Variants in UFC1 observed in about 807,000 individuals in gnomAD.
UFC1 encodes the protein ubiquitin-fold modifier conjugating enzyme 1.
In UFC1, 22 loss-of-function variants were observed where a neutral mutation model predicts 28.0. The observed-to-expected ratio is 0.78, with a 90% CI of 0.56 to 1.12. The LOEUF (loss-of-function observed/expected upper bound fraction) is 1.12, where lower values mean the gene tolerates loss of function less well. Ranked by LOEUF, UFC1 falls within the 50% of genes most tolerant of loss-of-function variation. The pLI, the probability that UFC1 is intolerant of heterozygous loss-of-function variation, is 0.00. For missense variants in UFC1, 189 were observed against 207.8 expected, an observed-to-expected ratio of 0.91 and a Z score of 0.56; for synonymous variants, 61 against 74.5, an observed-to-expected ratio of 0.82 and a Z score of 0.93.
intron 4 of UFC1, 37 bp from the exon 5 acceptor site, chr1:161,158,084 T>C (rs753553178): frequency 6.3e-7 from 1 of 1,577,484 alleles, no homozygotes; most frequent in Non-Finnish European, 8.7e-7. Context: ...TATGGTAAAC[T>C]TTGCATGTCA....
chr1:161,156,677 A>G (rs1212483491), intron 1 of UFC1, among the ~76,000 whole-genome samples: 1 of 151,888 alleles, frequency 6.6e-6, no homozygotes, highest in Non-Finnish European at 1.5e-5. Context: ...CCCCGTCTCT[A>G]CTAAAAATAC....
chr1:161,157,765 C>A, intron 4 of UFC1, 72 bp downstream of exon 4: 1 of 1,300,520 alleles, frequency 7.7e-7, no homozygotes, highest in Non-Finnish European at 1.1e-6. Context: ...GGAGGGAGAG[C>A]ATCAGGAAGA....
In UFC1 at chr1:161,157,705, T is replaced by C. The variant is rs1473689249; in HGVS notation, c.332+12T>C. On this transcript the variant is annotated intron_variant, in intron 4 of 5. Transcript: ENST00000368003. Reference sequence around the variant, plus strand: ...GCAAAGATGTACAGGTAGGACTGAATAGGAGATGGCAAAGAGTCAAAGAAA... The same window carrying C: ...GCAAAGATGTACAGGTAGGACTGAACAGGAGATGGCAAAGAGTCAAAGAAA... 27 of 1,611,784 alleles carry C rather than the reference T, an allele frequency of 1.7e-5. No homozygotes were observed. In the Admixed American group the frequency reaches 4.0e-4, roughly 24 times the overall value.
In UFC1 at chr1:161,154,008, A is replaced by G. The variant is rs1657431311; in HGVS notation, c.11A>G (p.Glu4Gly). 1.2e-6 allele frequency: 2 copies of G among 1,614,110 alleles called. No homozygotes were observed. The highest frequency in any genetic ancestry group is 1.3e-5 in the African/African-American group (1 of 75,032). MAD[E>G]ATRRVVSEIP... is the part of the protein sequence containing the mutation. ...GCGCCCTGGTCCAAGATGGCGGATG[A>G]AGCCACGCGACGTGTTGTGTCTGAG... The change falls in exon 1 of 6, where the codon GAA (glutamate) becomes GGA (glycine). Residue 4 changes from glutamate (E) to glycine (G), a missense_variant. Physicochemically the swap from Glu to Gly is moderately conservative, Grantham distance 98. Coordinates refer to ENST00000368003, the MANE Select transcript of UFC1 (RefSeq NM_016406.4).
chr1:161,154,195 G>T, intron 1 of UFC1, 75 bp downstream of exon 1: 2 of 1,573,024 alleles, frequency 1.3e-6, no homozygotes, highest in South Asian at 1.1e-5. Context: ...AATAGGCTCC[G>T]TGTGGAAGCC....
intron 4 of UFC1, 198 bp from the exon 5 acceptor site, chr1:161,157,923 G>A: frequency 4.8e-6 from 3 of 628,802 alleles, no homozygotes; most frequent in Non-Finnish European, 8.3e-6. Context: ...AAAAAAGGAA[G>A]AACTTTGGAG....
chr1:161,157,059 A>G lies in UFC1; in HGVS notation c.191+42A>G, dbSNP rs1294292480. 4 of 1,598,122 alleles carry G rather than the reference A, an allele frequency of 2.5e-6. 1 individual carries two copies. The South Asian group carries it at 3.3e-5, about 13-fold the overall frequency. ...GGGAGGTGTGGGGTGGGAGTCTTAT[A>G]TGAGTTAGGCAATTTGGTATCCTAG... On this transcript the variant is annotated intron_variant, in intron 2 of 5. Coordinates refer to ENST00000368003, the MANE Select transcript of UFC1 (RefSeq NM_016406.4).
rs780040682 is a variant in UFC1, at chr1:161,154,069, T to A, written c.72T>A (p.Asp24Glu). Residue 24 changes from aspartate to glutamate, a missense_variant, in exon 1 of 6, where the codon GAT becomes GAA. By Grantham distance (45) the Asp-to-Glu change is conservative. Coordinates refer to ENST00000368003, the MANE Select transcript of UFC1 (RefSeq NM_016406.4). ...TGAAGACTAACGCCGGACCCCGAGA[T>A]CGTGAGTTGTGGGTGCAGCGACTGA... Reference protein sequence around the residue: ...PVLKTNAGPRDRELWVQRLKE... With the variant: ...PVLKTNAGPRERELWVQRLKE... The A allele has an allele frequency of 3.7e-6, 6 of 1,613,366 alleles. No individual in the cohort carries two copies. The highest frequency in any genetic ancestry group is 5.1e-6 in the Non-Finnish European group (6 of 1,179,898).
chr1:161,158,801 T>G lies in UFC1; in HGVS notation c.*309T>G. The G allele has an allele frequency of 2.8e-6, 1 of 354,190 alleles. No homozygotes were observed. Among genetic ancestry groups the G allele is most frequent in the South Asian group, 3.1e-5 (1 of 32,162 alleles). 21.9% of individuals were successfully genotyped at this position (354,190 alleles called of 1,614,324 possible). ...ACGGGGGTAACTGAAAGTGAGTACA[T>G]ATAGTCTTTCTGGTTTCTGGAGATA... is the stretch of plus-strand genomic sequence containing the variant. On this transcript the variant is annotated 3_prime_UTR_variant, in exon 6 of 6. Transcript: ENST00000368003.
At chr1:161,156,116 G>A (rs1179781737) in intron 1 of UFC1, among the ~76,000 whole-genome samples, 1 of 152,160 alleles carries the variant, frequency 6.6e-6, no homozygotes, top group Non-Finnish European at 1.5e-5. Context: ...GTATCTTCAG[G>A]TCTTTTGTGC....
At chr1:161,154,993 T>A (rs1325645514) in intron 1 of UFC1, among the ~76,000 whole-genome samples, 1 of 151,834 alleles carries the variant, frequency 6.6e-6, no homozygotes, top group Non-Finnish European at 1.5e-5. Flanking sequence ...CATGTATTCA[T>A]TCACTAAAAA....
Position 161,158,453 on chromosome 1 carries a change from G to A in UFC1, c.465G>A (p.Gln155=), listed in dbSNP as rs779042186. 2 of 1,614,214 alleles carry A rather than the reference G, an allele frequency of 1.2e-6. No homozygotes were observed. Among genetic ancestry groups the A allele is most frequent in the Non-Finnish European group, 8.5e-7 (1 of 1,180,050 alleles). ...CAGTGGAAATCCCTGATCTGATTCAGAAGGGCGTCATCCAACACAAAGAGA... is the reference window on the plus strand; with the variant it reads ...CAGTGGAAATCCCTGATCTGATTCAAAAGGGCGTCATCCAACACAAAGAGA... ...WLAVEIPDLI[Q]KGVIQHKEKC... The change falls in exon 6 of 6, where the codon CAG becomes CAA. Residue 155 remains glutamine (Q), a synonymous_variant. Coordinates refer to ENST00000368003, the MANE Select transcript of UFC1 (RefSeq NM_016406.4).
chr1:161,157,218 T>C (rs764017795), intron 2 of UFC1, 36 bp from the exon 3 acceptor site: 2 of 1,613,792 alleles, frequency 1.2e-6, no homozygotes, highest in Non-Finnish European at 1.7e-6. Flanking sequence ...ACTGGAAGAA[T>C]AGGCAAATTG....
intron 4 of UFC1, 114 bp downstream of exon 4, chr1:161,157,807 G>C: frequency 1.2e-6 from 1 of 867,782 alleles, no homozygotes; most frequent in South Asian, 1.5e-5. Context: ...TGATGTCTGG[G>C]TGATGGGATG....
chr1:161,156,422 C>A (rs896933993), intron 1 of UFC1, among the ~76,000 whole-genome samples: 35 of 151,346 alleles, frequency 2.3e-4, no homozygotes, highest in Admixed American at 2.1e-3. Flanking sequence ...ACCTGTAGTT[C>A]CAGCTACTTG....
At chr1:161,156,896 G>A in intron 1 of UFC1, 54 bp from the exon 2 acceptor site, 1 of 1,451,918 alleles carries the variant, frequency 6.9e-7, no homozygotes, top group Non-Finnish European at 9.5e-7. Context: ...TGAGGAGAGG[G>A]GGACTGCCCT....
At chr1:161,156,881 T>C in intron 1 of UFC1, 69 bp from the exon 2 acceptor site, 1 of 1,307,254 alleles carries the variant, frequency 7.6e-7, no homozygotes. Flanking sequence ...CACATACTTT[T>C]CTTTTGAGGA....
chr1:161,156,536 C>CAAAA (rs754220776), intron 1 of UFC1, among the ~76,000 whole-genome samples: 5 of 49,764 alleles, frequency 1.0e-4, no homozygotes, highest in African/African-American at 3.1e-4. Context: ...GAGACTGTCT[C>CAAAA]AAAAAAAAAA....
chr1:161,155,385 C>G (rs1009429836), intron 1 of UFC1, among the ~76,000 whole-genome samples: 1 of 152,160 alleles, frequency 6.6e-6, no homozygotes, highest in Non-Finnish European at 1.5e-5. Flanking sequence ...CAAAGTAGCT[C>G]AGAGTTGTTA....
Sources: allele counts gnomAD v4.1 joint callset (sites outside exome capture counted in the v4.1 genomes callset), GRCh38; gene constraint gnomAD v4.1.1; transcripts MANE v1.5; gene names NCBI Gene and HGNC (gene_info 2026-07-23, HGNC 2026-07-21).